CHD6: variants seen among roughly 807,000 people sequenced by gnomAD.
CHD6 encodes the protein chromodomain helicase DNA binding protein 6.
Under a neutral mutation model 276.9 loss-of-function variants are expected in CHD6, and 50 were observed. The observed-to-expected ratio is 0.18, with a 90% confidence interval of 0.14 to 0.23. CHD6 has a LOEUF of 0.23. Among genes scored for constraint, CHD6 ranks in the 10% least tolerant of loss-of-function variants. CHD6 has a pLI of 1.00. For missense variants in CHD6, 2,564 were observed against 3,365.8 expected (o/e 0.76, Z 5.89); for synonymous variants, 1,173 against 1,229.3 (o/e 0.95, Z 0.96).
chr20:41,592,381 A>G (rs1456336574), intron 1 of CHD6, among the ~76,000 whole-genome samples: 1 of 152,204 alleles, frequency 6.6e-6, no homozygotes, highest in Non-Finnish European at 1.5e-5. Flanking sequence ...TAACACATTT[A>G]ATTTGCTGGA....
chr20:41,421,523 C>T lies in CHD6; in HGVS notation c.5112G>A (p.Glu1704=). ...HDESLLPESL[E]SMMYGKKVLS... ...GCACCTTCTTACCATACATCATGCT[C>T]TCTAAGGACTCAGGCAGCAGACTTT... Residue 1704 remains glutamate, a synonymous_variant, in exon 31 of 37, where the codon GAG becomes GAA. Coordinates refer to ENST00000373233, the MANE Select transcript of CHD6 (RefSeq NM_032221.5). 2 of 1,612,344 alleles carry T rather than the reference C, an allele frequency of 1.2e-6. No homozygotes were observed.
At chr20:41,601,531 G>A (rs1601186164) in intron 1 of CHD6, among the ~76,000 whole-genome samples, 1 of 152,200 alleles carries the variant, frequency 6.6e-6, no homozygotes, top group Non-Finnish European at 1.5e-5. Flanking sequence ...GAGACTAAAT[G>A]ACTCAAAGAT....
intron 1 of CHD6, among the ~76,000 whole-genome samples, chr20:41,606,006 A>C (rs1367887445): frequency 2.0e-5 from 3 of 152,206 alleles, no homozygotes; most frequent in Non-Finnish European, 2.9e-5. Flanking sequence ...AGGAAAAGAC[A>C]AACATTTAGA....
At chr20:41,536,863 TAGAG>T (rs1195521391) in intron 2 of CHD6, among the ~76,000 whole-genome samples, 3 of 152,152 alleles carry the variant, frequency 2.0e-5, no homozygotes, top group Non-Finnish European at 4.4e-5. Flanking sequence ...TCCTGAGGAA[TAGAG>T]AGAGAGCCTT....
At chr20:41,430,619 T>C (rs770323518) in intron 27 of CHD6, among the ~76,000 whole-genome samples, 18 of 152,204 alleles carry the variant, frequency 1.2e-4, no homozygotes, top group Non-Finnish European at 2.5e-4. Context: ...TTTGGTCAAG[T>C]CCTTTAACTT....
rs149394920 is a variant in CHD6, at chr20:41,608,764, A to C, written c.-24+9576T>G. Among the ~76,000 whole-genome samples, 16 of 152,320 alleles carry C rather than the reference A, an allele frequency of 1.1e-4. 1 individual carries two copies. In the East Asian group the frequency reaches 2.9e-3, roughly 27 times the overall value. On this transcript the variant is annotated intron_variant, in intron 1 of 36. Transcript: ENST00000373233. ...AGATAGAAAGTAGCTTTGGTTTCAG[A>C]GAATCTAGTAATGATGGTGACCTGT... is the stretch of plus-strand genomic sequence containing the variant.
intron 1 of CHD6, among the ~76,000 whole-genome samples, chr20:41,614,012 A>C (rs940284986): frequency 3.3e-5 from 5 of 151,858 alleles, no homozygotes; most frequent in Admixed American, 6.6e-5. Context: ...TAGAGTATAA[A>C]AAAAAAAAAA....
At chr20:41,451,423 G>T (rs1269454730) in intron 22 of CHD6, among the ~76,000 whole-genome samples, 1 of 152,208 alleles carries the variant, frequency 6.6e-6, no homozygotes, top group Non-Finnish European at 1.5e-5. Flanking sequence ...AGGAACATTT[G>T]ACCTAAAACT....
At chr20:41,469,260 A>G (rs2042999861) in intron 17 of CHD6, among the ~76,000 whole-genome samples, 1 of 152,174 alleles carries the variant, frequency 6.6e-6, no homozygotes, top group African/African-American at 2.4e-5. Flanking sequence ...TTCTGCCTTC[A>G]GGGACCTTAG....
intron 17 of CHD6, among the ~76,000 whole-genome samples, chr20:41,466,545 G>T (rs945302971): frequency 6.6e-6 from 1 of 152,168 alleles, no homozygotes; most frequent in Non-Finnish European, 1.5e-5. Flanking sequence ...CTACTGGGAG[G>T]TTTGATGAAT....
intron 2 of CHD6, among the ~76,000 whole-genome samples, chr20:41,542,870 T>G (rs1041203316): frequency 6.6e-6 from 1 of 150,600 alleles, no homozygotes; most frequent in African/African-American, 2.4e-5. Context: ...TTTGGGAGGC[T>G]GAGGCGGGTG....
At position 41,473,941 on chromosome 20, in the gene CHD6, C is replaced by CA. The variant is rs1396708525; in HGVS notation, c.2469-425dup. ...TTGAGTAGTGCTCACAAAAAGGACT[C>CA]AGAGTTTTCATCAGTTTCCAGCTAC... is the stretch of plus-strand genomic sequence containing the variant. On this transcript the variant is annotated intron_variant, in intron 16 of 36. Transcript: ENST00000373233. The surrounding 1 kb of genome is among the most constrained non-coding windows in gnomAD (Gnocchi z 4.1). Among the ~76,000 whole-genome samples the CA allele has an allele frequency of 2.6e-5, 4 of 152,178 alleles. No individual in the cohort carries two copies. Among genetic ancestry groups the CA allele is most frequent in the African/African-American group, 9.7e-5 (4 of 41,432 alleles).
At chr20:41,467,585 A>G (rs2042954072) in intron 17 of CHD6, among the ~76,000 whole-genome samples, 1 of 149,802 alleles carries the variant, frequency 6.7e-6, no homozygotes, top group African/African-American at 2.5e-5. Flanking sequence ...AAAAAAAAAA[A>G]AGGCTGGGTG....
intron 5 of CHD6, among the ~76,000 whole-genome samples, chr20:41,506,451 C>G (rs1443592855): frequency 6.6e-6 from 1 of 152,092 alleles, no homozygotes; most frequent in Non-Finnish European, 1.5e-5. Flanking sequence ...TGTTCTTCTG[C>G]CCTGCACAAC....
intron 15 of CHD6, 100 bp downstream of exon 15, chr20:41,484,252 A>G: frequency 7.2e-7 from 1 of 1,381,238 alleles, no homozygotes; most frequent in Non-Finnish European, 1.0e-6. Context: ...CGTACATCCT[A>G]GCATATAATG....
chr20:41,431,116 G>A (rs1250346617), intron 27 of CHD6, among the ~76,000 whole-genome samples: 2 of 152,176 alleles, frequency 1.3e-5, no homozygotes, highest in Non-Finnish European at 2.9e-5. Flanking sequence ...ACAGGCATGA[G>A]CCACTGCGCC....
intron 1 of CHD6, among the ~76,000 whole-genome samples, chr20:41,577,067 AATT>A (rs948211233): frequency 6.6e-6 from 1 of 152,216 alleles, no homozygotes; most frequent in African/African-American, 2.4e-5. Context: ...AAGGAAAGAG[AATT>A]ATTTAAGAAT....
At chr20:41,480,777 TAG>T (rs1312305402) in intron 16 of CHD6, among the ~76,000 whole-genome samples, 1 of 152,108 alleles carries the variant, frequency 6.6e-6, no homozygotes, top group East Asian at 1.9e-4. Flanking sequence ...TGGGGGAAGG[TAG>T]AGAGTGAATT....
intron 1 of CHD6, among the ~76,000 whole-genome samples, chr20:41,618,121 C>T (rs1014192773): frequency 2.7e-5 from 4 of 149,678 alleles, no homozygotes; most frequent in Admixed American, 2.7e-4. Context: ...GCCCCTCTCC[C>T]CAGGCCGCAG....
Sources: gnomAD v4.1 joint callset for allele counts (sites outside exome capture counted in the v4.1 genomes callset) on GRCh38, gnomAD v4.1.1 for gene constraint, Gnocchi (gnomAD v3.1) non-coding constraint, MANE v1.5 for transcripts, NCBI Gene and HGNC (gene_info 2026-07-23, HGNC 2026-07-21) for gene names.